The following MGA variants were observed in gnomAD, a reference collection of about 807,000 sequenced individuals.
MGA encodes the protein MAX gene-associated protein.
MGA carries 40 observed loss-of-function variants against 261.1 expected under a neutral mutation model. The ratio of observed to expected loss-of-function variants is 0.15; its 90% confidence interval spans 0.12 to 0.20. MGA has a LOEUF of 0.20. Ranked by LOEUF, MGA falls within the 10% of genes least tolerant of loss-of-function variation. The pLI, the probability that MGA is intolerant of heterozygous loss-of-function variation, is 1.00. For missense variants in MGA, 3,397 were observed against 3,630.5 expected, an observed-to-expected ratio of 0.94 and a Z score of 1.65; for synonymous variants, 1,302 against 1,290.6, an observed-to-expected ratio of 1.01 and a Z score of -0.19.
At chr15:41,695,428 C>T (rs917717025) in intron 2 of MGA, among the ~76,000 whole-genome samples, 2 of 152,110 alleles carry the variant, frequency 1.3e-5, no homozygotes, top group Non-Finnish European at 2.9e-5. Flanking sequence ...ACCTTGTGAT[C>T]CGCCTGCCTC....
rs558146731 is a variant in MGA at position 41,706,500 on chromosome 15, C to T, written c.2189-1228C>T. 1.2e-4 allele frequency among the ~76,000 whole-genome samples: 18 copies of T among 150,860 alleles called. 1 individual carries two copies. In the Middle Eastern group the frequency reaches 0.01, roughly 88 times the overall value. ...GTCTTTACCTGTTAGAGAACCAGCA[C>T]TACGTGAGCTTTTTACTGGAAACTT... On this transcript the variant is annotated intron_variant, in intron 5 of 23. Coordinates refer to ENST00000219905, the MANE Select transcript of MGA (RefSeq NM_001164273.2).
chr15:41,622,183 C>T (rs1051015500), intron 1 of MGA, among the ~76,000 whole-genome samples: 2 of 152,054 alleles, frequency 1.3e-5, no homozygotes, highest in Non-Finnish European at 2.9e-5. Flanking sequence ...GTGTGGTGTA[C>T]TGGGATGAGC....
intron 1 of MGA, among the ~76,000 whole-genome samples, chr15:41,638,688 C>CTTTTTTTT (rs761492514): frequency 8.6e-6 from 1 of 115,642 alleles, no homozygotes; most frequent in Admixed American, 8.7e-5. Flanking sequence ...TTTTCTTTTT[C>CTTTTTTTT]TTTTTTTTTT....
chr15:41,748,565 T>C, intron 15 of MGA, 72 bp from the exon 16 acceptor site: 1 of 1,483,938 alleles, frequency 6.7e-7, no homozygotes, highest in Admixed American at 2.1e-5. Context: ...TAAAAAATAT[T>C]ATGAATACTT....
chr15:41,629,105 C>CAAA (rs71108108), intron 1 of MGA, among the ~76,000 whole-genome samples: 105 of 77,744 alleles, frequency 1.4e-3, no homozygotes, highest in Middle Eastern at 6.6e-3. Flanking sequence ...GACTTCGTCT[C>CAAA]AAAAAAAAAA....
chr15:41,712,838 CTT>C (rs2060454683), intron 8 of MGA, among the ~76,000 whole-genome samples: 2 of 152,152 alleles, frequency 1.3e-5, no homozygotes, highest in South Asian at 4.1e-4. Context: ...TCCAGTGAAA[CTT>C]TATGACACAG....
chr15:41,736,110 GT>G (rs2061763848), intron 12 of MGA, 70 bp from the exon 13 acceptor site: 2 of 1,288,302 alleles, frequency 1.6e-6, no homozygotes. Flanking sequence ...TTTTTTCAGA[GT>G]TTCATACAAA....
rs140231394 is a variant in MGA at position 41,679,098 on chromosome 15, T to G, written c.1064+9140T>G. Among the ~76,000 whole-genome samples the G allele has an allele frequency of 5.6e-4, 85 of 151,272 alleles. 1 individual carries two copies. In the East Asian group the frequency reaches 9.6e-3, roughly 17 times the overall value. On this transcript the variant is annotated intron_variant, in intron 2 of 23. Transcript: ENST00000219905. ...TTTCCCAGGCTGGAATGCAGTGGTG[T>G]GATCTCGGCTCGCTGCAACCTCCGC...
upstream of MGA, among the ~76,000 whole-genome samples, chr15:41,657,947 G>T (rs2057241224): frequency 6.6e-6 from 1 of 152,104 alleles, no homozygotes. Context: ...CAATCTTTGG[G>T]GTTCTGCTGT....
In MGA at chr15:41,767,582, T is replaced by C; in HGVS notation, c.*302T>C. 1 of 354,716 alleles carries C rather than the reference T, an allele frequency of 2.8e-6. No individual in the cohort carries two copies. The highest frequency in any genetic ancestry group is 5.1e-6 in the Non-Finnish European group (1 of 194,250). 22.0% of individuals were successfully genotyped at this position (354,716 alleles called of 1,614,324 possible). A position where few individuals can be genotyped will look rare whatever the true frequency, so the allele number is the denominator to read the frequency against. The stretch of plus-strand genomic sequence containing the variant: ...TTACCCAAGGAATTTATAACATGAC[T>C]CTGGCTCCACAGTGGTTTCTAGTTC... On this transcript the variant is annotated 3_prime_UTR_variant, in exon 24 of 24. Transcript: ENST00000219905.
intron 1 of MGA, among the ~76,000 whole-genome samples, chr15:41,625,860 AC>A (rs1426550718): frequency 6.6e-6 from 1 of 152,234 alleles, no homozygotes; most frequent in African/African-American, 2.4e-5. Context: ...TTATGTGATC[AC>A]ATTTTTGTAG....
chr15:41,712,258 A>C (rs1595828294), intron 8 of MGA, among the ~76,000 whole-genome samples: 2 of 151,632 alleles, frequency 1.3e-5, no homozygotes, highest in Admixed American at 6.6e-5. Context: ...TTTTGAGACA[A>C]TGTCTCACTC....
At chr15:41,724,639 G>C (rs1311283394) in intron 9 of MGA, among the ~76,000 whole-genome samples, 1 of 152,078 alleles carries the variant, frequency 6.6e-6, no homozygotes, top group Non-Finnish European at 1.5e-5. Context: ...GAGCCATGGT[G>C]GTGCCAGTAC....
intron 9 of MGA, among the ~76,000 whole-genome samples, chr15:41,721,725 A>G (rs1039799045): frequency 2.0e-5 from 3 of 152,226 alleles, no homozygotes; most frequent in Non-Finnish European, 2.9e-5. Flanking sequence ...GATAAAGACA[A>G]TGAACAATGG....
intron 5 of MGA, among the ~76,000 whole-genome samples, chr15:41,699,623 TC>T (rs1944676019): frequency 6.6e-6 from 1 of 152,180 alleles, no homozygotes; most frequent in African/African-American, 2.4e-5. Context: ...TGCCTCAGCC[TC>T]CCAAGTAGCT....
At chr15:41,752,219 T>TG (rs1448709289) in intron 17 of MGA, 3 of 152,084 alleles carry the variant, frequency 2.0e-5, no homozygotes, top group African/African-American at 7.2e-5. Context: ...TACGTAGAGA[T>TG]GGGGTTTCAC....
chr15:41,683,976 G>A (rs892086849), intron 2 of MGA, among the ~76,000 whole-genome samples: 2 of 151,918 alleles, frequency 1.3e-5, no homozygotes, highest in Admixed American at 6.6e-5. Context: ...GGATGTGCAG[G>A]TTAGTTACAT....
chr15:41,647,283 G>A (rs1312643090), intron 1 of MGA, among the ~76,000 whole-genome samples: 2 of 152,138 alleles, frequency 1.3e-5, no homozygotes, highest in Non-Finnish European at 2.9e-5. Context: ...ACTTCTCTAT[G>A]TGCTACCTGA....
intron 1 of MGA, among the ~76,000 whole-genome samples, chr15:41,649,829 G>A (rs1009502548): frequency 5.9e-5 from 9 of 152,086 alleles, no homozygotes; most frequent in African/African-American, 1.7e-4. Flanking sequence ...ACAAGCACCC[G>A]CCACCACACC....
Sources: gnomAD v4.1 joint callset for allele counts (sites outside exome capture counted in the v4.1 genomes callset) on GRCh38, gnomAD v4.1.1 for gene constraint, MANE v1.5 for transcripts, NCBI Gene and HGNC (gene_info 2026-07-23, HGNC 2026-07-21) for gene names.